SF3B3: variants seen among roughly 807,000 people sequenced by gnomAD.
The protein encoded by SF3B3 is splicing factor 3b subunit 3.
SF3B3 carries 33 observed loss-of-function variants against 139.2 expected under a neutral mutation model. The observed-to-expected ratio is 0.24, with a 90% CI of 0.18 to 0.32. The LOEUF (loss-of-function observed/expected upper bound fraction) is 0.32, where lower values mean the gene tolerates loss of function less well. Among genes scored for constraint, SF3B3 ranks in the 10% least tolerant of loss-of-function variants. SF3B3 has a pLI of 1.00. For synonymous variants in SF3B3, 596 were observed against 563.6 expected, an observed-to-expected ratio of 1.06 and a Z score of -0.81; for missense variants, 818 against 1,509.4, an observed-to-expected ratio of 0.54 and a Z score of 7.59.
intron 5 of SF3B3, among the ~76,000 whole-genome samples, chr16:70,533,315 T>C (rs574213268): frequency 6.6e-6 from 1 of 152,070 alleles, no homozygotes; most frequent in Non-Finnish European, 1.5e-5. Flanking sequence ...CAAGGTGAGA[T>C]CTTGTCTCAA....
chr16:70,538,470 C>T lies in SF3B3; in HGVS notation c.963+10C>T. 1 of 1,609,106 alleles carries T rather than the reference C, an allele frequency of 6.2e-7. No homozygotes were observed. On this transcript the variant is annotated intron_variant, in intron 7 of 25. Transcript: ENST00000302516. The stretch of plus-strand genomic sequence containing the variant: ...GACAGATGAAGATATGGTAAGTAGA[C>T]CATGGATGGACCAGTATAGCTACTC...
intron 5 of SF3B3, among the ~76,000 whole-genome samples, chr16:70,534,498 A>G (rs1388309266): frequency 6.6e-6 from 1 of 152,194 alleles, no homozygotes; most frequent in African/African-American, 2.4e-5. Flanking sequence ...CTAAGGAGGT[A>G]GAATCAATAG....
At chr16:70,551,925 A>G (rs956390708) in intron 11 of SF3B3, among the ~76,000 whole-genome samples, 4 of 152,172 alleles carry the variant, frequency 2.6e-5, no homozygotes, top group Non-Finnish European at 5.9e-5. Flanking sequence ...AGAAGTTACA[A>G]TGTGCTTGGT....
intron 24 of SF3B3, 40 bp from the exon 25 acceptor site, chr16:70,571,055 A>T (rs1401862794): frequency 7.1e-7 from 1 of 1,407,648 alleles, no homozygotes; most frequent in East Asian, 2.3e-5. Flanking sequence ...GACTAGTTGA[A>T]ATCACTTCTC....
intron 8 of SF3B3, among the ~76,000 whole-genome samples, chr16:70,541,358 T>C (rs573561409): frequency 6.6e-6 from 1 of 152,344 alleles, no homozygotes; most frequent in Non-Finnish European, 1.5e-5. Flanking sequence ...TTTGCAAATA[T>C]TTTCTCTCAT....
chr16:70,546,982 C>T (rs900161007), intron 10 of SF3B3, among the ~76,000 whole-genome samples: 4 of 151,688 alleles, frequency 2.6e-5, no homozygotes, highest in South Asian at 4.2e-4. Flanking sequence ...GAGCCAAGAT[C>T]GCGCCATTGC....
intron 12 of SF3B3, 53 bp from the exon 13 acceptor site, chr16:70,554,998 T>G: frequency 6.4e-7 from 1 of 1,562,980 alleles, no homozygotes. Flanking sequence ...AGGGTCATTC[T>G]GAGTGATGAA....
chr16:70,543,608 C>T (rs1032439470), intron 9 of SF3B3, among the ~76,000 whole-genome samples: 2 of 151,666 alleles, frequency 1.3e-5, no homozygotes, highest in Non-Finnish European at 2.9e-5. Context: ...CTTGGGAGGT[C>T]GAGGCAGGAG....
intron 5 of SF3B3, among the ~76,000 whole-genome samples, chr16:70,533,083 G>A (rs79189793): frequency 0.013 from 1,933 of 152,272 alleles, 48 homozygotes; most frequent in African/African-American, 0.043. Context: ...ATAGACCAGC[G>A]TTAGAGAAAT....
At chr16:70,545,559 G>C (rs1037561092) in intron 10 of SF3B3, among the ~76,000 whole-genome samples, 1 of 152,120 alleles carries the variant, frequency 6.6e-6, no homozygotes, top group African/African-American at 2.4e-5. Context: ...ACTTGAACTT[G>C]TTAGGAATAA....
intron 16 of SF3B3, among the ~76,000 whole-genome samples, chr16:70,560,987 G>A (rs995738961): frequency 2.6e-5 from 4 of 151,982 alleles, no homozygotes; most frequent in African/African-American, 9.7e-5. Flanking sequence ...GTGTTTCTGG[G>A]CACTGTGCTA....
chr16:70,544,659 C>T (rs2050251315), intron 10 of SF3B3, 126 bp downstream of exon 10: 4 of 626,336 alleles, frequency 6.4e-6, no homozygotes, highest in Non-Finnish European at 1.1e-5. Flanking sequence ...TGTTCTTTCT[C>T]CCTGACTTCC....
chr16:70,572,007 T>G lies in SF3B3; in HGVS notation c.*194T>G, dbSNP rs930370235. On this transcript the variant is annotated 3_prime_UTR_variant, in exon 26 of 26. Transcript: ENST00000302516. ...TTCCCCTCAAATTGGCACTGAGATT[T>G]GCTACACTTCTCCCCACCTGGTACA... 2 of 714,162 alleles carry G rather than the reference T, an allele frequency of 2.8e-6. No individual in the cohort carries two copies. The highest frequency in any genetic ancestry group is 4.8e-4 in the Middle Eastern group (2 of 4,194). The allele number at this position is 714,162 out of a possible 1,614,324, so 44.2% of individuals were successfully genotyped here. A position where few individuals can be genotyped will look rare whatever the true frequency, so the allele number is the denominator to read the frequency against.
intron 9 of SF3B3, among the ~76,000 whole-genome samples, chr16:70,542,390 T>C (rs1186439946): frequency 6.6e-6 from 1 of 152,248 alleles, no homozygotes; most frequent in African/African-American, 2.4e-5. Context: ...ACAGGTAGTT[T>C]TGAATCACAT....
At position 70,527,552 on chromosome 16, in the gene SF3B3, C is replaced by T. The variant is rs16970267; in HGVS notation, c.70+826C>T. The stretch of plus-strand genomic sequence containing the variant: ...TTCATATTTCATGTTGTTATTTTCT[C>T]TGATCCTCATTATGGCTCTTCCTGC... On this transcript the variant is annotated intron_variant, in intron 2 of 25. Transcript: ENST00000302516. Among the ~76,000 whole-genome samples, 985 of 152,220 alleles carry T rather than the reference C, an allele frequency of 6.5e-3. 12 individuals are homozygous for T. Among genetic ancestry groups the T allele is most frequent in the African/African-American group, 0.022 (923 of 41,554 alleles).
At chr16:70,548,287 A>G (rs1055963891) in intron 10 of SF3B3, 83 bp from the exon 11 acceptor site, 50 of 1,124,940 alleles carry the variant, frequency 4.4e-5, no homozygotes, top group Non-Finnish European at 6.8e-5. Context: ...CCTGCCTTTG[A>G]GACCTTATTT....
intron 11 of SF3B3, chr16:70,550,412 A>C (rs2050311823): frequency 6.6e-6 from 1 of 152,364 alleles, no homozygotes; most frequent in South Asian, 2.1e-4. Flanking sequence ...TAAATGTTAG[A>C]AGTCTTGGAA....
rs1187493567 is a variant in SF3B3 at position 70,570,195 on chromosome 16, C to T, written c.3408+46C>T. ...CTGGCCTTGACTTTTAAGGTTGTTT[C>T]TTGGTGCTGGATCTACCTAAGAGGT... On this transcript the variant is annotated intron_variant, in intron 24 of 25. Coordinates refer to ENST00000302516, the MANE Select transcript of SF3B3 (RefSeq NM_012426.5). 4 of 1,602,632 alleles carry T rather than the reference C, an allele frequency of 2.5e-6. No homozygotes were observed. The South Asian group carries it at 3.3e-5, about 13-fold the overall frequency.
chr16:70,536,378 A>G (rs903387862), intron 6 of SF3B3, among the ~76,000 whole-genome samples: 2 of 151,260 alleles, frequency 1.3e-5, no homozygotes, highest in African/African-American at 2.4e-5. Context: ...TTATTTATTT[A>G]TTTGAGACGG....
Sources: gnomAD v4.1 joint callset for allele counts (sites outside exome capture counted in the v4.1 genomes callset) on GRCh38, gnomAD v4.1.1 for gene constraint, MANE v1.5 for transcripts, NCBI Gene and HGNC (gene_info 2026-07-23, HGNC 2026-07-21) for gene names.